Variants in KLHL6 observed in about 807,000 individuals in gnomAD.
KLHL6 encodes the protein kelch like family member 6, also known as kelch-like protein 6.
KLHL6 carries 41 observed loss-of-function variants against 58.6 expected under a neutral mutation model. The ratio of observed to expected loss-of-function variants is 0.70; its 90% confidence interval spans 0.55 to 0.91. KLHL6 has a LOEUF of 0.91. KLHL6 is among the 40% of genes least tolerant of loss of function. The pLI is 0.00. For synonymous variants in KLHL6, 338 were observed against 322.7 expected, an observed-to-expected ratio of 1.05 and a Z score of -0.51; for missense variants, 714 against 805.6, an observed-to-expected ratio of 0.89 and a Z score of 1.38.
chr3:183,492,509 G>A lies in KLHL6; in HGVS notation c.1549C>T (p.Arg517Cys), dbSNP rs1717594977. The change falls in exon 6 of 7, where the codon CGC (arginine) becomes TGC (cysteine). Residue 517 changes from arginine (R) to cysteine (C), a missense_variant. By Grantham distance (180) the Arg-to-Cys change is radical (BLOSUM62 -3). Coordinates refer to ENST00000341319, the MANE Select transcript of KLHL6 (RefSeq NM_130446.4). The surrounding 1 kb of genome is among the most constrained non-coding windows in gnomAD (Gnocchi z 5.9). ...CATTACTCACCAACGACATAGATGC[G>A]GTCCCGGAAACTCACTGCATTGATG... The part of the protein sequence containing the change: ...KCINAVSFRD[R>C]IYVVGGAMRA... 8 of 1,614,174 alleles carry A rather than the reference G, an allele frequency of 5.0e-6. No homozygotes were observed. In the South Asian group the frequency reaches 5.5e-5, roughly 11 times the overall value.
At chr3:183,514,113 G>A (rs1718263795) in intron 2 of KLHL6, among the ~76,000 whole-genome samples, 1 of 152,220 alleles carries the variant, frequency 6.6e-6, no homozygotes, top group East Asian at 1.9e-4. Flanking sequence ...ACTAGTGCTG[G>A]GTGTACAGAG....
intron 2 of KLHL6, chr3:183,523,229 G>A (rs1711831652): frequency 6.6e-6 from 1 of 152,282 alleles, no homozygotes; most frequent in South Asian, 2.1e-4. Flanking sequence ...CTATGTCCCA[G>A]GCATTGCATA....
At chr3:183,536,962 C>T (rs549260178) in intron 1 of KLHL6, among the ~76,000 whole-genome samples, 1 of 152,312 alleles carries the variant, frequency 6.6e-6, no homozygotes, top group East Asian at 1.9e-4. Flanking sequence ...CAGTGTCCTT[C>T]TCTCCAGGGG....
chr3:183,527,368 T>C (rs1712008795), intron 2 of KLHL6, among the ~76,000 whole-genome samples: 2 of 152,198 alleles, frequency 1.3e-5, no homozygotes, highest in Middle Eastern at 3.2e-3. Flanking sequence ...CAAAAGATTA[T>C]AGTCTTTACT....
chr3:183,547,058 C>A (rs1712746568), intron 1 of KLHL6, among the ~76,000 whole-genome samples: 1 of 152,126 alleles, frequency 6.6e-6, no homozygotes, highest in African/African-American at 2.4e-5. Context: ...ACTACAGGCA[C>A]ACGCCACCGT....
At chr3:183,534,670 G>C (rs974792087) in intron 1 of KLHL6, among the ~76,000 whole-genome samples, 1 of 151,906 alleles carries the variant, frequency 6.6e-6, no homozygotes, top group Admixed American at 6.6e-5. Flanking sequence ...CCCAAAGTGA[G>C]GGATTACAGG....
chr3:183,532,258 T>C (rs1254867059), intron 1 of KLHL6, among the ~76,000 whole-genome samples: 2 of 152,206 alleles, frequency 1.3e-5, no homozygotes, highest in Non-Finnish European at 1.5e-5. Context: ...GGAAAGGCCA[T>C]GTGAGGACAC....
intron 1 of KLHL6, among the ~76,000 whole-genome samples, chr3:183,536,119 C>T (rs1013212442): frequency 1.3e-5 from 2 of 152,186 alleles, no homozygotes; most frequent in Non-Finnish European, 2.9e-5. Context: ...CATGCTGCCC[C>T]AGCTCAGCCC....
chr3:183,494,050 C>T (rs374979726), intron 5 of KLHL6, 29 bp downstream of exon 5: 1 of 1,582,062 alleles, frequency 6.3e-7, no homozygotes, highest in Non-Finnish European at 8.7e-7. Context: ...ATAATACAGG[C>T]AGTTACTGGT....
chr3:183,500,254 C>T (rs986080771), intron 3 of KLHL6, among the ~76,000 whole-genome samples: 5 of 152,188 alleles, frequency 3.3e-5, no homozygotes, highest in Non-Finnish European at 5.9e-5. Flanking sequence ...ATACCTCAGA[C>T]TTTGCTCACC....
chr3:183,527,488 C>T (rs1470415661), intron 2 of KLHL6, among the ~76,000 whole-genome samples: 1 of 152,114 alleles, frequency 6.6e-6, no homozygotes, highest in Non-Finnish European at 1.5e-5. Context: ...ATCAGTAACC[C>T]CAAACCACAG....
chr3:183,550,856 C>A (rs1048813248), intron 1 of KLHL6, among the ~76,000 whole-genome samples: 2 of 151,986 alleles, frequency 1.3e-5, no homozygotes, highest in African/African-American at 4.8e-5. Flanking sequence ...CGCAGTGGCT[C>A]ACGCCTGTAA....
intron 3 of KLHL6, among the ~76,000 whole-genome samples, chr3:183,506,478 A>G: frequency 6.6e-6 from 1 of 152,230 alleles, no homozygotes; most frequent in Non-Finnish European, 1.5e-5. Flanking sequence ...ATAAATTCAA[A>G]TCATTGCCAT....
chr3:183,534,134 ACTTTTAAAGTAC>A (rs1712278502), intron 1 of KLHL6, among the ~76,000 whole-genome samples: 1 of 142,618 alleles, frequency 7.0e-6, no homozygotes, highest in Admixed American at 6.8e-5. Context: ...AGTACTTTGT[ACTTTTAAAGTAC>A]TTTAAAAGTA....
chr3:183,540,494 C>T lies in KLHL6; in HGVS notation c.294-12484G>A, dbSNP rs528690317. 1.2e-3 allele frequency among the ~76,000 whole-genome samples: 187 copies of T among 152,202 alleles called. 1 individual carries two copies. Among genetic ancestry groups the T allele is most frequent in the African/African-American group, 3.9e-3 (163 of 41,504 alleles). Reference sequence around the variant, plus strand: ...AGCTGAATGTCTGTCACTCGCAGGGCGGAGTGATACAATTGGACAAAAGAA... The same window carrying T: ...AGCTGAATGTCTGTCACTCGCAGGGTGGAGTGATACAATTGGACAAAAGAA... On this transcript the variant is annotated intron_variant, in intron 1 of 6. Coordinates refer to ENST00000341319, the MANE Select transcript of KLHL6 (RefSeq NM_130446.4).
Position 183,491,816 on chromosome 3 carries a change from G to T in KLHL6, c.*111C>A. The T allele has an allele frequency of 1.0e-6, 1 of 972,408 alleles. No homozygotes were observed. The highest frequency in any genetic ancestry group is 1.4e-6 in the Non-Finnish European group (1 of 696,028). 60.2% of individuals were successfully genotyped at this position (972,408 alleles called of 1,614,324 possible). A position where few individuals can be genotyped will look rare whatever the true frequency, so the allele number is the denominator to read the frequency against. On this transcript the variant is annotated 3_prime_UTR_variant, in exon 7 of 7. Transcript: ENST00000341319. ...CCAAAGTGAGTCAAGGGGATCCCCT[G>T]ATGTATGGCCTCAAACTCGAGCCTG...
chr3:183,508,518 T>C lies in KLHL6; in HGVS notation c.460-10A>G. The stretch of plus-strand genomic sequence containing the variant: ...CCACCATCCGCAGGAACTGATGAAA[T>C]AGAAAGGGTGGAAAGGAGGCCAGAA... On this transcript the variant is annotated splice_polypyrimidine_tract_variant and intron_variant, in intron 2 of 6. Coordinates refer to ENST00000341319, the MANE Select transcript of KLHL6 (RefSeq NM_130446.4). 12 of 1,608,906 alleles carry C rather than the reference T, an allele frequency of 7.5e-6. No homozygotes were observed. The highest frequency in any genetic ancestry group is 1.0e-5 in the Non-Finnish European group (12 of 1,177,210).
At chr3:183,505,902 T>G (rs1357278234) in intron 3 of KLHL6, among the ~76,000 whole-genome samples, 4 of 152,236 alleles carry the variant, frequency 2.6e-5, no homozygotes, top group African/African-American at 9.6e-5. Context: ...TTTAAAAACT[T>G]TCCACAAAGA....
intron 1 of KLHL6, among the ~76,000 whole-genome samples, chr3:183,536,125 A>G (rs183092952): frequency 1.1e-3 from 171 of 152,292 alleles, no homozygotes; most frequent in African/African-American, 3.7e-3. Flanking sequence ...GCCCCAGCTC[A>G]GCCCATGTCT....
Sources: allele counts gnomAD v4.1 joint callset (sites outside exome capture counted in the v4.1 genomes callset), GRCh38; gene constraint gnomAD v4.1.1; non-coding constraint Gnocchi (gnomAD v3.1); transcripts MANE v1.5; gene names NCBI Gene and HGNC (gene_info 2026-07-23, HGNC 2026-07-21).